CELF1: variants seen among roughly 807,000 people sequenced by gnomAD.
The protein encoded by CELF1 is 50 kDa nuclear polyadenylated RNA-binding protein.
CELF1 carries 10 observed loss-of-function variants against 61.8 expected under a neutral mutation model. That is an observed-to-expected ratio of 0.16 (90% CI 0.10 to 0.27). CELF1 has a LOEUF of 0.27. CELF1 is among the 10% of genes least tolerant of loss of function. The pLI, the probability that CELF1 is intolerant of heterozygous loss-of-function variation, is 1.00. For synonymous variants in CELF1, 236 were observed against 225.1 expected (o/e 1.05, Z -0.43); for missense variants, 380 against 639.1 (o/e 0.59, Z 4.37).
At chr11:47,525,004 T>C (rs919275616) in intron 1 of CELF1, among the ~76,000 whole-genome samples, 1 of 152,190 alleles carries the variant, frequency 6.6e-6, no homozygotes, top group African/African-American at 2.4e-5. Flanking sequence ...GAAAAGACAT[T>C]TGAAAACCTT....
chr11:47,530,063 G>C (rs1328651337), intron 1 of CELF1, among the ~76,000 whole-genome samples: 1 of 152,102 alleles, frequency 6.6e-6, no homozygotes, highest in African/African-American at 2.4e-5. Context: ...AAATTTTTAG[G>C]TTCTCATGGC....
chr11:47,518,979 A>C (rs2095708418), intron 1 of CELF1, among the ~76,000 whole-genome samples: 1 of 152,106 alleles, frequency 6.6e-6, no homozygotes, highest in Admixed American at 6.5e-5. Flanking sequence ...AGGAAACTTT[A>C]TTTTCTTTCT....
intron 1 of CELF1, among the ~76,000 whole-genome samples, chr11:47,509,702 C>T (rs928459219): frequency 6.6e-6 from 1 of 152,132 alleles, no homozygotes; most frequent in Non-Finnish European, 1.5e-5. Context: ...ACCAGCCTGG[C>T]CAATGTGAGG....
chr11:47,549,715 C>T (rs2097085875), intron 1 of CELF1, among the ~76,000 whole-genome samples: 3 of 151,992 alleles, frequency 2.0e-5, no homozygotes, highest in Admixed American at 1.3e-4. Context: ...GTTTCAGATA[C>T]GCAAGATGAA....
intron 1 of CELF1, among the ~76,000 whole-genome samples, chr11:47,540,580 G>A (rs992432626): frequency 6.6e-6 from 1 of 152,104 alleles, no homozygotes; most frequent in Non-Finnish European, 1.5e-5. Flanking sequence ...CTTGCTCAGA[G>A]AGCACTCAAA....
At chr11:47,550,580 G>C (rs2097113087) in intron 1 of CELF1, among the ~76,000 whole-genome samples, 1 of 152,026 alleles carries the variant, frequency 6.6e-6, no homozygotes, top group Non-Finnish European at 1.5e-5. Context: ...TGGGAAGATA[G>C]GCATTTCTAT....
intron 1 of CELF1, among the ~76,000 whole-genome samples, chr11:47,541,928 A>T (rs1040865955): frequency 6.6e-6 from 1 of 152,134 alleles, no homozygotes; most frequent in African/African-American, 2.4e-5. Flanking sequence ...CATAATCCCC[A>T]AACTAAAGAC....
At chr11:47,474,628 A>C (rs994856637) in intron 13 of CELF1, among the ~76,000 whole-genome samples, 1 of 152,202 alleles carries the variant, frequency 6.6e-6, no homozygotes, top group Non-Finnish European at 1.5e-5. Context: ...ACAGCAGGTG[A>C]GGAGAGATGA....
intron 3 of CELF1, 24 bp from the exon 4 acceptor site, chr11:47,489,048 C>G: frequency 2.7e-6 from 4 of 1,496,290 alleles, no homozygotes; most frequent in Non-Finnish European, 3.6e-6. Flanking sequence ...AATGAAACTT[C>G]TATTATGTAA....
Position 47,466,662 on chromosome 11 carries a change from A to C in CELF1, c.*5568T>G, listed in dbSNP as rs2076725369. ...AAATCCATTAAAACCACCACAGAAC[A>C]ATTAAAACAATCAGAGAGAGAAAAG... On this transcript the variant is annotated 3_prime_UTR_variant, in exon 15 of 15. Transcript: ENST00000687097. The C allele has an allele frequency of 6.6e-6, 1 of 152,176 alleles. No homozygotes were observed. The highest frequency in any genetic ancestry group is 1.5e-5 in the Non-Finnish European group (1 of 68,032). The allele number at this position is 152,176 out of a possible 1,614,324, so 9.4% of individuals were successfully genotyped here.
In CELF1 at chr11:47,473,153, G is replaced by A. The variant is rs1288199909; in HGVS notation, c.1352C>T (p.Pro451Leu). ...GDQDLLQMFM[P>L]FGNVVSAKVF... ...CTTGGCAGACACGACATTCCCAAAG[G>A]GCATAAACATCTGCAGCAGGTCCTG... The change falls in exon 14 of 15, where the codon CCC (proline) becomes CTC (leucine). Residue 451 changes from proline (P) to leucine (L), a missense_variant. Physicochemically the swap from Pro to Leu is moderately conservative, Grantham distance 98. Coordinates refer to ENST00000687097, the MANE Select transcript of CELF1 (RefSeq NM_001376376.1). The A allele has an allele frequency of 6.2e-7, 1 of 1,613,976 alleles. No homozygotes were observed. Among genetic ancestry groups the A allele is most frequent in the South Asian group, 1.1e-5 (1 of 91,070 alleles).
At position 47,468,323 on chromosome 11, in the gene CELF1, AAAAG is replaced by A. The variant is rs1175119554; in HGVS notation, c.*3903_*3906del. On this transcript the variant is annotated 3_prime_UTR_variant, in exon 15 of 15. Transcript: ENST00000687097. Reference sequence around the variant, plus strand: ...GCAGTTGAGAACTCAGAAGAAAAACAAAAGAAAGAACAATACATGCGGTCTCCTC... The same window carrying A: ...GCAGTTGAGAACTCAGAAGAAAAACAAAAGAACAATACATGCGGTCTCCTC... 2.0e-5 allele frequency: 3 copies of A among 152,256 alleles called. No homozygotes were observed. The highest frequency in any genetic ancestry group is 7.2e-5 in the African/African-American group (3 of 41,458). The allele number at this position is 152,256 out of a possible 1,614,324, so 9.4% of individuals were successfully genotyped here. A position where few individuals can be genotyped will look rare whatever the true frequency, so the allele number is the denominator to read the frequency against.
chr11:47,483,627 T>C (rs770481718), intron 7 of CELF1, 95 bp from the exon 8 acceptor site: 21 of 857,124 alleles, frequency 2.5e-5, no homozygotes, highest in Non-Finnish European at 3.9e-5. Flanking sequence ...ATGCTAGCAA[T>C]ACAGACACAG....
chr11:47,497,413 C>A (rs1026593622), intron 3 of CELF1, among the ~76,000 whole-genome samples: 3 of 152,218 alleles, frequency 2.0e-5, no homozygotes, highest in Non-Finnish European at 4.4e-5. Flanking sequence ...CGTTCACTGA[C>A]ACTAGAGGCA....
intron 6 of CELF1, among the ~76,000 whole-genome samples, chr11:47,486,105 G>T: frequency 5.5e-5 from 1 of 18,064 alleles, no homozygotes; most frequent in Non-Finnish European, 1.1e-4. Flanking sequence ...AGGTTGCAAT[G>T]AGCTAAGATC....
chr11:47,511,925 T>C (rs1597466575), intron 1 of CELF1, among the ~76,000 whole-genome samples: 1 of 152,168 alleles, frequency 6.6e-6, no homozygotes, highest in African/African-American at 2.4e-5. Context: ...CTCGACTCAC[T>C]GCAACCTCTG....
intron 9 of CELF1, among the ~76,000 whole-genome samples, chr11:47,481,066 C>G (rs1299396919): frequency 7.4e-6 from 1 of 135,788 alleles, no homozygotes; most frequent in African/African-American, 2.7e-5. Context: ...GAAATACTAG[C>G]TAGGATAAAC....
intron 1 of CELF1, among the ~76,000 whole-genome samples, chr11:47,519,311 T>A (rs936836113): frequency 6.6e-6 from 1 of 151,922 alleles, no homozygotes; most frequent in Admixed American, 6.6e-5. Context: ...AAACCCCATC[T>A]CTACTACAAA....
intron 1 of CELF1, among the ~76,000 whole-genome samples, chr11:47,506,573 AAC>A (rs2094520706): frequency 6.6e-6 from 1 of 152,238 alleles, no homozygotes; most frequent in Non-Finnish European, 1.5e-5. Flanking sequence ...GGCTCCCTCC[AAC>A]ATACACACGC....
Sources: gnomAD v4.1 joint callset for allele counts (sites outside exome capture counted in the v4.1 genomes callset) on GRCh38, gnomAD v4.1.1 for gene constraint, MANE v1.5 for transcripts, NCBI Gene and HGNC (gene_info 2026-07-23, HGNC 2026-07-21) for gene names.